The following DNAH9 variants were observed in gnomAD, a reference collection of about 807,000 sequenced individuals.
DNAH9 encodes the protein DNAH9 variant protein.
Under a neutral mutation model 471.6 loss-of-function variants are expected in DNAH9, and 345 were observed. The observed-to-expected ratio is 0.73, with a 90% CI of 0.67 to 0.80. The LOEUF is 0.80. Among genes scored for constraint, DNAH9 ranks in the 30% least tolerant of loss-of-function variants. The pLI is 0.00. For missense variants in DNAH9, 5,407 were observed against 5,609.2 expected, an observed-to-expected ratio of 0.96 and a Z score of 1.15; for synonymous variants, 2,093 against 2,123.6, an observed-to-expected ratio of 0.99 and a Z score of 0.40.
In DNAH9 at chr17:11,598,601, A is replaced by T; in HGVS notation, c.103A>T (p.Ser35Cys). The change falls in exon 1 of 69, where the codon AGC becomes TGC. Residue 35 changes from serine to cysteine, a missense_variant. Coordinates refer to ENST00000262442, the MANE Select transcript of DNAH9 (RefSeq NM_001372.4). Reference protein sequence around the residue: ...LRLLGTYVAMSLRPAAGAWER... With the variant: ...LRLLGTYVAMCLRPAAGAWER... ...ACTCCTGGGGACCTACGTGGCCATG[A>T]GCCTGCGGCCGGCTGCGGGCGCCTG... The T allele has an allele frequency of 7.4e-7, 1 of 1,354,526 alleles. No individual in the cohort carries two copies. The highest frequency in any genetic ancestry group is 9.4e-7 in the Non-Finnish European group (1 of 1,058,862). The allele number at this position is 1,354,526 out of a possible 1,614,324, so 83.9% of individuals were successfully genotyped here.
chr17:11,870,021 T>C (rs1317387911), intron 51 of DNAH9, among the ~76,000 whole-genome samples: 1 of 152,068 alleles, frequency 6.6e-6, no homozygotes, highest in Non-Finnish European at 1.5e-5. Context: ...CAGCTGGTCC[T>C]CTCTCCCTTC....
rs202206647 is a variant in DNAH9, at chr17:11,701,845, A to AT, written c.5151+606dup. On this transcript the variant is annotated intron_variant, in intron 24 of 68. Transcript: ENST00000262442. ...AGGCATGCGCCACCAGGGCTGGCTA[A>AT]TTTTTTTTGTATTTTTGGTAGAGAT... Among the ~76,000 whole-genome samples the AT allele has an allele frequency of 7.5e-3, 1,133 of 151,924 alleles. 14 individuals carry two copies. Among genetic ancestry groups the AT allele is most frequent in the African/African-American group, 0.025 (1,046 of 41,412 alleles).
At chr17:11,634,409 G>A (rs764010641) in intron 8 of DNAH9, among the ~76,000 whole-genome samples, 1 of 152,172 alleles carries the variant, frequency 6.6e-6, no homozygotes, top group Non-Finnish European at 1.5e-5. Context: ...TGTTGCTGCT[G>A]TAAGATCATC....
intron 22 of DNAH9, among the ~76,000 whole-genome samples, chr17:11,698,189 A>AATTATATATATT (rs1567728607): frequency 6.0e-5 from 1 of 16,758 alleles, no homozygotes; most frequent in African/African-American, 1.2e-4. Flanking sequence ...TTATTATATT[A>AATTATATATATT]ATATAATAAT....
chr17:11,834,322 C>A (rs1213884956), intron 48 of DNAH9, among the ~76,000 whole-genome samples: 1 of 81,488 alleles, frequency 1.2e-5, no homozygotes, highest in Non-Finnish European at 2.3e-5. Context: ...GAGTGAGACT[C>A]CGTCTCAAAA....
chr17:11,866,150 G>A (rs4616315), intron 50 of DNAH9, among the ~76,000 whole-genome samples: 139,027 of 149,108 alleles, frequency 0.93, 65,280 homozygotes, highest in African/African-American at 0.97. Context: ...TTGTGGTTTT[G>A]TCTACTTTTG....
At chr17:11,842,047 T>C (rs1164271519) in intron 49 of DNAH9, among the ~76,000 whole-genome samples, 1 of 152,156 alleles carries the variant, frequency 6.6e-6, no homozygotes, top group African/African-American at 2.4e-5. Flanking sequence ...TATGTTATAA[T>C]ATTGTTCCCA....
At position 11,713,628 on chromosome 17, in the gene DNAH9, ATGGACCATGCATT is replaced by A. The variant is rs545706753; in HGVS notation, c.5553-5702_5553-5690del. ...GGTTCAACTTATGAATTTTTATTTT[ATGGACCATGCATT>A]TGGTGTTTTATTTAAGAAATCTTTG... On this transcript the variant is annotated intron_variant, in intron 26 of 68. Transcript: ENST00000262442. Among the ~76,000 whole-genome samples the A allele has an allele frequency of 6.1e-3, 933 of 152,202 alleles. 2 individuals are homozygous for A. The highest frequency in any genetic ancestry group is 0.02 in the Middle Eastern group (6 of 294).
At chr17:11,954,769 T>TAAAAAAA in intron 67 of DNAH9, among the ~76,000 whole-genome samples, 2 of 118,728 alleles carry the variant, frequency 1.7e-5, no homozygotes, top group South Asian at 5.4e-4. Context: ...GACTTCGTCT[T>TAAAAAAA]AAAAAAAAAA....
chr17:11,773,120 G>A (rs890263630), intron 38 of DNAH9, among the ~76,000 whole-genome samples: 3 of 152,192 alleles, frequency 2.0e-5, no homozygotes, highest in Non-Finnish European at 4.4e-5. Flanking sequence ...AAAGACAGCT[G>A]CTCTAGTATC....
At chr17:11,717,266 C>T (rs1044530975) in intron 26 of DNAH9, among the ~76,000 whole-genome samples, 12 of 152,140 alleles carry the variant, frequency 7.9e-5, no homozygotes, top group Non-Finnish European at 1.5e-4. Flanking sequence ...AGCACAATGG[C>T]TCACACCTAT....
At chr17:11,803,414 G>A (rs979565135) in intron 43 of DNAH9, among the ~76,000 whole-genome samples, 21 of 152,136 alleles carry the variant, frequency 1.4e-4, no homozygotes, top group African/African-American at 4.6e-4. Flanking sequence ...TCGCACACAC[G>A]CACATGCGTG....
intron 48 of DNAH9, among the ~76,000 whole-genome samples, chr17:11,829,331 A>G (rs9889990): frequency 0.73 from 110,802 of 152,098 alleles, 40,599 homozygotes; most frequent in Non-Finnish European, 0.76. Context: ...CTAAATGAAC[A>G]TTATAGCCTT....
At chr17:11,758,602 T>C (rs1967510708) in intron 35 of DNAH9, among the ~76,000 whole-genome samples, 1 of 152,102 alleles carries the variant, frequency 6.6e-6, no homozygotes, top group South Asian at 2.1e-4. Flanking sequence ...TGGGATATGA[T>C]TGTGCCTCCA....
At position 11,860,786 on chromosome 17, in the gene DNAH9, C is replaced by A. The variant is rs372718887; in HGVS notation, c.9933+6358C>A. On this transcript the variant is annotated intron_variant, in intron 50 of 68. Transcript: ENST00000262442. Reference sequence around the variant, plus strand: ...ATGTTAGTCAGGCTGGTCTCGAACTCCCGACCTCAGGTGATCTGCCCGCCT... The same window carrying A: ...ATGTTAGTCAGGCTGGTCTCGAACTACCGACCTCAGGTGATCTGCCCGCCT... Among the ~76,000 whole-genome samples, 45 of 152,266 alleles carry A rather than the reference C, an allele frequency of 3.0e-4. No individual in the cohort carries two copies. The South Asian group carries it at 9.1e-3, about 31-fold the overall frequency.
chr17:11,865,462 T>A (rs1972011354), intron 50 of DNAH9, among the ~76,000 whole-genome samples: 1 of 152,146 alleles, frequency 6.6e-6, no homozygotes, highest in Non-Finnish European at 1.5e-5. Flanking sequence ...ATTTTTTCCT[T>A]CATTTCAACT....
intron 25 of DNAH9, 72 bp downstream of exon 25, chr17:11,704,514 T>C (rs919794615): frequency 7.1e-6 from 11 of 1,547,062 alleles, no homozygotes; most frequent in Admixed American, 3.5e-5. Context: ...ACAGCCAAAA[T>C]ATGGGGGCCC....
chr17:11,911,216 T>A (rs757276453), intron 61 of DNAH9, among the ~76,000 whole-genome samples: 2 of 152,202 alleles, frequency 1.3e-5, no homozygotes, highest in Non-Finnish European at 2.9e-5. Context: ...TGTTTCTGTA[T>A]GTAAGGAAAG....
intron 45 of DNAH9, among the ~76,000 whole-genome samples, chr17:11,814,731 G>A (rs905368943): frequency 1.3e-5 from 2 of 152,020 alleles, no homozygotes; most frequent in Non-Finnish European, 2.9e-5. Context: ...TCTCCTCTTA[G>A]GATCTAGAAC....
Sources: gnomAD v4.1 joint callset for allele counts (sites outside exome capture counted in the v4.1 genomes callset) on GRCh38, gnomAD v4.1.1 for gene constraint, MANE v1.5 for transcripts, NCBI Gene and HGNC (gene_info 2026-07-23, HGNC 2026-07-21) for gene names.